SLIT3: variants seen among roughly 807,000 people sequenced by gnomAD.
SLIT3 encodes the protein slit homolog 3 protein.
A neutral mutation model predicts 184.0 loss-of-function variants in SLIT3; 68 were observed. That is an observed-to-expected ratio of 0.37 (90% CI 0.30 to 0.45). SLIT3 has a LOEUF of 0.45. SLIT3 is among the 20% of genes least tolerant of loss of function. SLIT3 has a pLI of 1.00. For synonymous variants in SLIT3, 831 were observed against 828.6 expected (o/e 1.00, Z -0.05); for missense variants, 1,707 against 2,026.0 (o/e 0.84, Z 3.02).
At chr5:168,824,936 G>A (rs187183643) in intron 6 of SLIT3, among the ~76,000 whole-genome samples, 13 of 152,270 alleles carry the variant, frequency 8.5e-5, no homozygotes, top group South Asian at 8.3e-4. Context: ...TACATCATAC[G>A]TCTGCAAAGG....
intron 4 of SLIT3, among the ~76,000 whole-genome samples, chr5:169,003,638 G>T (rs888757040): frequency 6.6e-6 from 1 of 152,222 alleles, no homozygotes; most frequent in African/African-American, 2.4e-5. Context: ...TGAGAGAAGA[G>T]TTTCGTCTCA....
chr5:169,152,672 G>A (rs917586824), intron 4 of SLIT3, among the ~76,000 whole-genome samples: 3 of 152,174 alleles, frequency 2.0e-5, no homozygotes, highest in Non-Finnish European at 4.4e-5. Flanking sequence ...AAAAGTGGAA[G>A]ACAGCAGGCC....
At chr5:169,133,031 A>G (rs1262952058) in intron 4 of SLIT3, among the ~76,000 whole-genome samples, 1 of 152,228 alleles carries the variant, frequency 6.6e-6, no homozygotes, top group African/African-American at 2.4e-5. Flanking sequence ...AGAGACATAG[A>G]CAACTGTTTC....
In SLIT3 at chr5:169,098,193, C is replaced by T. The variant is rs939038055; in HGVS notation, c.413+95286G>A. Among the ~76,000 whole-genome samples, 7 of 152,142 alleles carry T rather than the reference C, an allele frequency of 4.6e-5. No homozygotes were observed. The East Asian group carries it at 7.8e-4, about 17-fold the overall frequency. On this transcript the variant is annotated intron_variant, in intron 4 of 35. Coordinates refer to ENST00000519560, the MANE Select transcript of SLIT3 (RefSeq NM_003062.4). ...TGCCTTAGAGTTAATTATTCAGTCA[C>T]GAATTACTCCAGGAAGAACTTCCCT... is the stretch of plus-strand genomic sequence containing the variant.
At chr5:168,816,832 T>A (rs939412399) in intron 8 of SLIT3, among the ~76,000 whole-genome samples, 3 of 152,210 alleles carry the variant, frequency 2.0e-5, no homozygotes, top group Non-Finnish European at 4.4e-5. Flanking sequence ...ATATTGCGGA[T>A]GAGCAGTAAC....
rs919147575 is a variant in SLIT3, at chr5:169,106,939, T to A, written c.413+86540A>T. ...TGCAGCTTTGCTTAGCATTCCAAGG[T>A]CACCTGCATCTAGGGACAAGCTGCA... On this transcript the variant is annotated intron_variant, in intron 4 of 35. Transcript: ENST00000519560. 4.6e-5 allele frequency among the ~76,000 whole-genome samples: 7 copies of A among 152,210 alleles called. No individual in the cohort carries two copies. The East Asian group carries it at 1.3e-3, about 29-fold the overall frequency.
rs561178174 is a variant in SLIT3 at position 169,005,366 on chromosome 5, C to T, written c.414-122030G>A. Among the ~76,000 whole-genome samples, 5 of 152,272 alleles carry T rather than the reference C, an allele frequency of 3.3e-5. No homozygotes were observed. The South Asian group carries it at 8.3e-4, about 25-fold the overall frequency. ...AGTTTTTGTAAAACAGAGAATCTAA[C>T]GTCCGCATTATGGAGTGGCTACAAA... On this transcript the variant is annotated intron_variant, in intron 4 of 35. Coordinates refer to ENST00000519560, the MANE Select transcript of SLIT3 (RefSeq NM_003062.4).
intron 4 of SLIT3, among the ~76,000 whole-genome samples, chr5:169,062,189 A>G (rs945559123): frequency 1.3e-5 from 2 of 152,196 alleles, no homozygotes; most frequent in African/African-American, 4.8e-5. Context: ...GTCTCAGCAA[A>G]AAAATAAATA....
At chr5:168,922,350 G>A (rs188524694) in intron 4 of SLIT3, among the ~76,000 whole-genome samples, 3,782 of 151,718 alleles carry the variant, frequency 0.025, 64 homozygotes, top group Middle Eastern at 0.051. Context: ...CCAGCTACTC[G>A]GGAGGCTGAG....
intron 4 of SLIT3, among the ~76,000 whole-genome samples, chr5:168,944,500 C>T (rs1442420444): frequency 6.6e-6 from 1 of 152,176 alleles, no homozygotes; most frequent in Non-Finnish European, 1.5e-5. Flanking sequence ...TTGGGCACTG[C>T]TTCCCTTCTC....
chr5:168,991,619 A>T (rs1452302035), intron 4 of SLIT3, among the ~76,000 whole-genome samples: 2 of 152,162 alleles, frequency 1.3e-5, no homozygotes, highest in African/African-American at 4.8e-5. Context: ...TGCCCTGGGG[A>T]TCTATCAGGG....
chr5:168,936,914 T>A (rs747641790), intron 4 of SLIT3, among the ~76,000 whole-genome samples: 3 of 152,082 alleles, frequency 2.0e-5, no homozygotes, highest in Non-Finnish European at 4.4e-5. Context: ...AGCTTCTACT[T>A]TGGGGGATGT....
At chr5:168,844,853 G>A (rs1271833248) in intron 5 of SLIT3, 198 bp from the exon 6 acceptor site, 2 of 546,080 alleles carry the variant, frequency 3.7e-6, no homozygotes, top group Non-Finnish European at 6.6e-6. Context: ...ACACAGACGA[G>A]CGCACCAAAA....
chr5:168,953,745 C>T (rs10058559), intron 4 of SLIT3, among the ~76,000 whole-genome samples: 73,009 of 151,752 alleles, frequency 0.48, 18,711 homozygotes, highest in African/African-American at 0.67. Flanking sequence ...TGAAGGTAGG[C>T]GCTGAAAGCA....
At chr5:169,098,223 A>G (rs972031933) in intron 4 of SLIT3, among the ~76,000 whole-genome samples, 1 of 152,126 alleles carries the variant, frequency 6.6e-6, no homozygotes, top group Non-Finnish European at 1.5e-5. Context: ...TTCCCTTTCT[A>G]TGGAGCCAAA....
chr5:169,201,883 A>G (rs1012526245), intron 3 of SLIT3, among the ~76,000 whole-genome samples: 2 of 152,354 alleles, frequency 1.3e-5, no homozygotes, highest in East Asian at 3.9e-4. Flanking sequence ...ACACTTGGAT[A>G]TTTTGTTGAG....
At chr5:169,016,075 A>AGG (rs1756365108) in intron 4 of SLIT3, among the ~76,000 whole-genome samples, 1 of 152,068 alleles carries the variant, frequency 6.6e-6, no homozygotes, top group South Asian at 2.1e-4. Flanking sequence ...TGCCTCACAA[A>AGG]GGCCAGTGAG....
rs549403268 is a variant in SLIT3 at position 169,206,361 on chromosome 5, C to T, written c.342-12811G>A. 9.8e-5 allele frequency among the ~76,000 whole-genome samples: 15 copies of T among 152,360 alleles called. No homozygotes were observed. The East Asian group carries it at 2.9e-3, about 29-fold the overall frequency. Reference sequence around the variant, plus strand: ...AATCAGATGGCATGAGCACAGCCCACCACAGATTCTCCATGTTCTCTCTGG... The same window carrying T: ...AATCAGATGGCATGAGCACAGCCCATCACAGATTCTCCATGTTCTCTCTGG... On this transcript the variant is annotated intron_variant, in intron 3 of 35. Coordinates refer to ENST00000519560, the MANE Select transcript of SLIT3 (RefSeq NM_003062.4).
At chr5:169,199,468 T>A (rs1034313960) in intron 3 of SLIT3, among the ~76,000 whole-genome samples, 2 of 152,154 alleles carry the variant, frequency 1.3e-5, no homozygotes, top group African/African-American at 4.8e-5. Flanking sequence ...GTGGTGTGTT[T>A]AGATTCAGGA....
Sources: gnomAD v4.1 joint callset for allele counts (sites outside exome capture counted in the v4.1 genomes callset) on GRCh38, gnomAD v4.1.1 for gene constraint, MANE v1.5 for transcripts, NCBI Gene and HGNC (gene_info 2026-07-23, HGNC 2026-07-21) for gene names.